USP25: variants seen among roughly 807,000 people sequenced by gnomAD.
USP25 encodes the protein ubiquitin carboxyl-terminal hydrolase 25.
A neutral mutation model predicts 158.5 loss-of-function variants in USP25; 85 were observed. That is an observed-to-expected ratio of 0.54 (90% CI 0.45 to 0.64). The LOEUF is 0.64. Among genes scored for constraint, USP25 ranks in the 30% least tolerant of loss-of-function variants. The probability of loss-of-function intolerance (pLI) is 0.00; values close to 1 mark genes in which losing one functional copy is unlikely to be tolerated. For missense variants in USP25, 1,242 were observed against 1,327.3 expected (o/e 0.94, Z 1.00); for synonymous variants, 464 against 460.4 (o/e 1.01, Z -0.10).
intron 18 of USP25, among the ~76,000 whole-genome samples, chr21:15,846,450 C>G (rs971543242): frequency 2.6e-5 from 4 of 151,822 alleles, no homozygotes; most frequent in African/African-American, 9.7e-5. Flanking sequence ...GTCTAAGCTA[C>G]CACGCCATGC....
intron 20 of USP25, among the ~76,000 whole-genome samples, chr21:15,858,533 G>C (rs965941912): frequency 1.3e-5 from 2 of 151,036 alleles, no homozygotes; most frequent in Admixed American, 6.6e-5. Flanking sequence ...GTTGTATTTA[G>C]TTAACTTTAT....
chr21:15,874,565 C>G, intron 24 of USP25, 39 bp downstream of exon 24: 1 of 1,542,046 alleles, frequency 6.5e-7, no homozygotes, highest in Non-Finnish European at 8.7e-7. Flanking sequence ...ATCATTTTGT[C>G]TGACATTGGG....
intron 10 of USP25, among the ~76,000 whole-genome samples, chr21:15,821,440 C>A (rs1338097818): frequency 2.6e-5 from 4 of 151,896 alleles, no homozygotes; most frequent in Non-Finnish European, 2.9e-5. Context: ...GAAGTAGAAT[C>A]TTTGGGTCAC....
intron 5 of USP25, 148 bp from the exon 6 acceptor site, chr21:15,799,609 C>G: frequency 2.1e-6 from 1 of 465,824 alleles, no homozygotes; most frequent in Non-Finnish European, 3.9e-6. Flanking sequence ...GACTTTTTCT[C>G]AGAAGTATGT....
chr21:15,820,015 G>A (rs1368711028), intron 10 of USP25, among the ~76,000 whole-genome samples: 3 of 152,036 alleles, frequency 2.0e-5, no homozygotes, highest in East Asian at 3.9e-4. Flanking sequence ...CAGGGTCTAC[G>A]ATAGGGATGT....
At chr21:15,783,680 G>A (rs1057305512) in intron 4 of USP25, among the ~76,000 whole-genome samples, 2 of 151,884 alleles carry the variant, frequency 1.3e-5, no homozygotes, top group Non-Finnish European at 2.9e-5. Flanking sequence ...AAGAAGGGCC[G>A]GGCGCAGTGG....
chr21:15,861,280 C>T (rs1357756976), intron 20 of USP25, among the ~76,000 whole-genome samples: 1 of 151,918 alleles, frequency 6.6e-6, no homozygotes, highest in Non-Finnish European at 1.5e-5. Flanking sequence ...ATCCTTGTTG[C>T]AGGATGATAG....
intron 1 of USP25, among the ~76,000 whole-genome samples, chr21:15,757,226 ACTTAAAC>A (rs1220119956): frequency 1.3e-5 from 2 of 152,178 alleles, no homozygotes; most frequent in African/African-American, 2.4e-5. Flanking sequence ...GGCTTCTCTA[ACTTAAAC>A]TTAGGATTTT....
chr21:15,799,830 C>A lies in USP25; in HGVS notation c.629C>A (p.Pro210His). The part of the protein sequence containing the change: ...YKPPSNAQDL[P>H]RNQKEHRNLP... Reference sequence around the variant, plus strand: ...CCTCCATCAAATGCTCAAGATTTACCCCGAAACCAAAAGGTAAAATTCAAA... The same window carrying A: ...CCTCCATCAAATGCTCAAGATTTACACCGAAACCAAAAGGTAAAATTCAAA... Residue 210 changes from proline (P) to histidine (H), a missense_variant, in exon 6 of 26, where the codon CCC becomes CAC. Pro to His is a moderately conservative substitution (Grantham distance 77). Around this residue, in one of 3 missense-constraint regions of USP25, gnomAD observed 627 missense variants for 701.4 expected, o/e 0.89. Transcript: ENST00000400183. The A allele has an allele frequency of 6.2e-7, 1 of 1,602,046 alleles. No individual in the cohort carries two copies. The highest frequency in any genetic ancestry group is 1.1e-5 in the South Asian group (1 of 89,724).
intron 1 of USP25, among the ~76,000 whole-genome samples, chr21:15,742,253 G>A (rs1399815878): frequency 1.3e-5 from 2 of 152,110 alleles, no homozygotes; most frequent in African/African-American, 4.8e-5. Flanking sequence ...AGGTCATTAG[G>A]TCATCAGGGC....
At chr21:15,778,155 A>G (rs1056819958) in intron 4 of USP25, 128 bp downstream of exon 4, 19 of 903,740 alleles carry the variant, frequency 2.1e-5, no homozygotes, top group Non-Finnish European at 2.7e-5. Flanking sequence ...ATGCTTGTGT[A>G]TTTTTAAATT....
intron 4 of USP25, among the ~76,000 whole-genome samples, chr21:15,778,557 T>A (rs1233283180): frequency 6.6e-6 from 1 of 152,134 alleles, no homozygotes; most frequent in Non-Finnish European, 1.5e-5. Context: ...TGCTGACTTC[T>A]GATCTATAGC....
At chr21:15,739,979 G>A (rs1476706740) in intron 1 of USP25, among the ~76,000 whole-genome samples, 1 of 152,140 alleles carries the variant, frequency 6.6e-6, no homozygotes, top group Non-Finnish European at 1.5e-5. Context: ...GATTAACTCT[G>A]CTTCAGTACA....
intron 20 of USP25, among the ~76,000 whole-genome samples, chr21:15,858,986 CTT>C: frequency 6.6e-6 from 1 of 151,680 alleles, no homozygotes; most frequent in Admixed American, 6.6e-5. Flanking sequence ...ATTGTAAACA[CTT>C]TTTGTTATCT....
At chr21:15,751,080 T>TTCC in intron 1 of USP25, among the ~76,000 whole-genome samples, 1 of 152,144 alleles carries the variant, frequency 6.6e-6, no homozygotes, top group South Asian at 2.1e-4. Flanking sequence ...GAACAGATGA[T>TTCC]TGGCTGCTAG....
chr21:15,878,649 A>C lies in USP25; in HGVS notation c.*174A>C. The C allele has an allele frequency of 1.9e-6, 1 of 540,492 alleles. No homozygotes were observed. The highest frequency in any genetic ancestry group is 2.9e-6 in the Non-Finnish European group (1 of 342,432). 33.5% of individuals were successfully genotyped at this position (540,492 alleles called of 1,614,324 possible). The stretch of plus-strand genomic sequence containing the variant: ...AGTCAGACTGCAGACAATAAAGCTG[A>C]AAATCGCATGGCGCTCAGACATTTT... On this transcript the variant is annotated 3_prime_UTR_variant, in exon 26 of 26. Transcript: ENST00000400183.
intron 1 of USP25, among the ~76,000 whole-genome samples, chr21:15,739,996 C>G (rs942147065): frequency 2.0e-5 from 3 of 152,180 alleles, no homozygotes; most frequent in Non-Finnish European, 4.4e-5. Flanking sequence ...TACAGACCAT[C>G]TGCTTTATTT....
At chr21:15,801,592 G>A (rs1052049706) in intron 6 of USP25, among the ~76,000 whole-genome samples, 14 of 151,518 alleles carry the variant, frequency 9.2e-5, no homozygotes, top group African/African-American at 3.4e-4. Flanking sequence ...CCACTGAATG[G>A]TCCTATATTC....
intron 4 of USP25, among the ~76,000 whole-genome samples, chr21:15,788,862 C>A (rs892556379): frequency 3.9e-5 from 6 of 152,032 alleles, no homozygotes; most frequent in African/African-American, 1.4e-4. Flanking sequence ...ATTTTTAAAT[C>A]TTAGGTGACT....
Sources: allele counts gnomAD v4.1 joint callset (sites outside exome capture counted in the v4.1 genomes callset), GRCh38; gene constraint gnomAD v4.1.1; regional missense constraint gnomAD v4.1.1; transcripts MANE v1.5; gene names NCBI Gene and HGNC (gene_info 2026-07-23, HGNC 2026-07-21).